KLHL32: variants seen among roughly 807,000 people sequenced by gnomAD.
KLHL32 encodes the protein kelch-like protein 32.
A neutral mutation model predicts 64.8 loss-of-function variants in KLHL32; 35 were observed. The observed-to-expected ratio is 0.54, with a 90% CI of 0.41 to 0.72. KLHL32 has a LOEUF of 0.72. Ranked by LOEUF, KLHL32 falls within the 30% of genes least tolerant of loss-of-function variation. The pLI is 0.00. For missense variants in KLHL32, 589 were observed against 768.5 expected (o/e 0.77, Z 2.76); for synonymous variants, 259 against 281.0 (o/e 0.92, Z 0.78).
chr6:97,124,346 T>C (rs539061323), intron 7 of KLHL32, among the ~76,000 whole-genome samples: 23 of 152,300 alleles, frequency 1.5e-4, no homozygotes, highest in Non-Finnish European at 2.2e-4. Context: ...TTTCTAAACA[T>C]TGTCATTTGA....
intron 1 of KLHL32, among the ~76,000 whole-genome samples, chr6:96,952,081 G>C (rs951323457): frequency 3.9e-5 from 6 of 152,168 alleles, no homozygotes; most frequent in African/African-American, 1.4e-4. Flanking sequence ...TTGTCCCAGA[G>C]TGAGTGAGTG....
chr6:96,901,203 C>T, the KLHL32 span, among the ~76,000 whole-genome samples: 1 of 152,144 alleles, frequency 6.6e-6, no homozygotes, highest in Non-Finnish European at 1.5e-5. Flanking sequence ...TTGCTGCTAG[C>T]AAATTACCGC....
intron 5 of KLHL32, among the ~76,000 whole-genome samples, chr6:97,074,277 T>C (rs1453697289): frequency 6.6e-6 from 1 of 152,206 alleles, no homozygotes; most frequent in Non-Finnish European, 1.5e-5. Context: ...ACCTGTATTC[T>C]AACAAGTTTT....
chr6:96,989,263 C>T (rs955291017), intron 3 of KLHL32, among the ~76,000 whole-genome samples: 4 of 152,142 alleles, frequency 2.6e-5, no homozygotes, highest in African/African-American at 9.7e-5. Flanking sequence ...ATTTAGCACT[C>T]CCTTAAGTGC....
intron 4 of KLHL32, among the ~76,000 whole-genome samples, chr6:97,055,812 A>AAAAAAAAAAAAAAAAAAAAAC (rs1787755714): frequency 6.8e-6 from 1 of 146,476 alleles, no homozygotes; most frequent in Non-Finnish European, 1.5e-5. Context: ...AAAAAAAAAA[A>AAAAAAAAAAAAAAAAAAAAAC]AAAAAAAAAA....
intron 3 of KLHL32, among the ~76,000 whole-genome samples, chr6:96,986,728 G>C (rs1777142584): frequency 6.6e-6 from 1 of 152,240 alleles, no homozygotes; most frequent in Non-Finnish European, 1.5e-5. Context: ...GAAAAGCACA[G>C]TATTAGGGTG....
At chr6:96,944,917 C>T (rs1223638362) in intron 1 of KLHL32, among the ~76,000 whole-genome samples, 1 of 152,102 alleles carries the variant, frequency 6.6e-6, no homozygotes, top group African/African-American at 2.4e-5. Flanking sequence ...CTTACAAGAG[C>T]TTTTCTTTAT....
At position 97,139,500 on chromosome 6, in the gene KLHL32, G is replaced by GTA; in HGVS notation, c.*221_*222dup. The GTA allele has an allele frequency of 2.0e-6, 1 of 499,122 alleles. No individual in the cohort carries two copies. Among genetic ancestry groups the GTA allele is most frequent in the Non-Finnish European group, 3.5e-6 (1 of 281,720 alleles). 30.9% of individuals were successfully genotyped at this position (499,122 alleles called of 1,614,324 possible). A position where few individuals can be genotyped will look rare whatever the true frequency, so the allele number is the denominator to read the frequency against. Reference sequence around the variant, plus strand: ...TTCAATATGTATGACTTTTATTGTGGTATAGCTTAGTGCCAATTTAAGGTA... The same window carrying GTA: ...TTCAATATGTATGACTTTTATTGTGGTATATAGCTTAGTGCCAATTTAAGGTA... On this transcript the variant is annotated 3_prime_UTR_variant, in exon 11 of 11. Coordinates refer to ENST00000369261, the MANE Select transcript of KLHL32 (RefSeq NM_052904.4).
Position 96,976,101 on chromosome 6 carries a change from ACAT to A in KLHL32, c.131_133del (p.Ile44del), listed in dbSNP as rs1339354773. 1 of 1,609,016 alleles carries A rather than the reference ACAT, an allele frequency of 6.2e-7. No individual in the cohort carries two copies. The highest frequency in any genetic ancestry group is 8.5e-7 in the Non-Finnish European group (1 of 1,176,468). ...CAGAGGAGTGATGGCATCCTCTGCG[ACAT>A]CACCCTGATTGCTGAGGAACAGAAA... On this transcript the variant is annotated inframe_deletion, in exon 3 of 11. Coordinates refer to ENST00000369261, the MANE Select transcript of KLHL32 (RefSeq NM_052904.4).
chr6:96,902,203 AAT>A, the KLHL32 span, among the ~76,000 whole-genome samples: 1 of 152,330 alleles, frequency 6.6e-6, no homozygotes, highest in South Asian at 2.1e-4. Flanking sequence ...CACTCCCACC[AAT>A]AGTGTAAAAG....
chr6:96,911,630 C>T, the KLHL32 span, among the ~76,000 whole-genome samples: 1 of 152,068 alleles, frequency 6.6e-6, no homozygotes, highest in African/African-American at 2.4e-5. Flanking sequence ...ACTCCTCACC[C>T]CAGGGCAAGT....
intron 5 of KLHL32, among the ~76,000 whole-genome samples, chr6:97,071,083 A>G (rs1318629547): frequency 1.3e-5 from 2 of 152,068 alleles, no homozygotes; most frequent in East Asian, 1.9e-4. Flanking sequence ...AATAGGATCA[A>G]TAAGGCAGGA....
chr6:97,076,817 C>T lies in KLHL32; in HGVS notation c.412-8309C>T, dbSNP rs116515146. On this transcript the variant is annotated intron_variant, in intron 5 of 10. Transcript: ENST00000369261. ...CCAGTGTAGCTAACATTTCTAGGCA[C>T]GTACCTTTATTTAAATATTAAATAA... is the stretch of plus-strand genomic sequence containing the variant. Among the ~76,000 whole-genome samples, 1,353 of 151,832 alleles carry T rather than the reference C, an allele frequency of 8.9e-3. 21 individuals carry two copies. Among genetic ancestry groups the T allele is most frequent in the African/African-American group, 0.03 (1,231 of 41,420 alleles).
At chr6:96,942,654 G>GGGGTGTGTGTGTGT (rs1554202843) in intron 1 of KLHL32, among the ~76,000 whole-genome samples, 2 of 144,232 alleles carry the variant, frequency 1.4e-5, no homozygotes, top group African/African-American at 5.2e-5. Context: ...ACAGCTGTGG[G>GGGGTGTGTGTGTGT]GTGTGTGTGT....
intron 5 of KLHL32, among the ~76,000 whole-genome samples, chr6:97,076,713 G>A (rs891851044): frequency 3.3e-5 from 5 of 152,092 alleles, no homozygotes; most frequent in Non-Finnish European, 4.4e-5. Context: ...TGGTGCATAC[G>A]TATGCTAAAA....
In KLHL32 at chr6:97,055,796, T is replaced by TAAAAAAAAAAAAAAAA. The variant is rs750242567; in HGVS notation, c.313-8821_313-8806dup. Among the ~76,000 whole-genome samples, 182 of 81,012 alleles carry TAAAAAAAAAAAAAAAA rather than the reference T, an allele frequency of 2.2e-3. 24 individuals carry two copies. The highest frequency in any genetic ancestry group is 4.9e-3 in the East Asian group (13 of 2,676). The allele number at this position is 81,012 out of a possible 152,430, so 53.1% of individuals were successfully genotyped here. ...CGAGGTAACAGACTGAGAACCTGTC[T>TAAAAAAAAAAAAAAAA]AAAAAAAAAAAAAAAAAAAAAAAAA... is the stretch of plus-strand genomic sequence containing the variant. On this transcript the variant is annotated intron_variant, in intron 4 of 10. Transcript: ENST00000369261.
At chr6:96,972,079 T>G (rs1380566549) in intron 2 of KLHL32, among the ~76,000 whole-genome samples, 1 of 152,184 alleles carries the variant, frequency 6.6e-6, no homozygotes, top group Non-Finnish European at 1.5e-5. Context: ...CTTGAACTCC[T>G]GACCTCAGAT....
At chr6:97,116,052 G>A (rs999260147) in intron 7 of KLHL32, among the ~76,000 whole-genome samples, 5 of 152,114 alleles carry the variant, frequency 3.3e-5, no homozygotes, top group Admixed American at 2.0e-4. Flanking sequence ...TCTCTGAGCG[G>A]TGCCTCAGTT....
chr6:96,926,320 G>A (rs530938674), intron 1 of KLHL32, among the ~76,000 whole-genome samples: 1 of 152,330 alleles, frequency 6.6e-6, no homozygotes, highest in South Asian at 2.1e-4. Context: ...ATAATGTGAG[G>A]AGCAAGTAAG....
Sources: allele counts gnomAD v4.1 joint callset (sites outside exome capture counted in the v4.1 genomes callset), GRCh38; gene constraint gnomAD v4.1.1; transcripts MANE v1.5; gene names NCBI Gene and HGNC (gene_info 2026-07-23, HGNC 2026-07-21).